Variants in KCNN2 observed in about 807,000 individuals in gnomAD.
KCNN2 encodes the protein small conductance calcium-activated potassium channel protein 2.
KCNN2 carries 24 observed loss-of-function variants against 55.5 expected under a neutral mutation model. That is an observed-to-expected ratio of 0.43 (90% CI 0.31 to 0.61). The LOEUF (loss-of-function observed/expected upper bound fraction) is 0.61, where lower values mean the gene tolerates loss of function less well. Among genes scored for constraint, KCNN2 ranks in the 20% least tolerant of loss-of-function variants. KCNN2 has a pLI of 0.08. For synonymous variants in KCNN2, 431 were observed against 336.1 expected (o/e 1.28, Z -3.09); for missense variants, 754 against 853.6 (o/e 0.88, Z 1.45).
chr5:114,080,058 A>G (rs1330870832), intron 1 of KCNN2, among the ~76,000 whole-genome samples: 1 of 152,070 alleles, frequency 6.6e-6, no homozygotes, highest in Non-Finnish European at 1.5e-5. Flanking sequence ...ATTCACATAC[A>G]CTTGCTATTG....
At chr5:114,413,782 A>G (rs1759211070) in intron 3 of KCNN2, among the ~76,000 whole-genome samples, 3 of 152,188 alleles carry the variant, frequency 2.0e-5, no homozygotes, top group South Asian at 4.1e-4. Context: ...TAGCCAGTTC[A>G]TTATGGTCCT....
intron 5 of KCNN2, among the ~76,000 whole-genome samples, chr5:114,473,663 A>C (rs1761850148): frequency 1.3e-5 from 2 of 152,174 alleles, no homozygotes; most frequent in African/African-American, 2.4e-5. Context: ...GATGTTAAAA[A>C]TAGTATACCA....
At chr5:114,455,185 A>AATC (rs1760865248) in intron 3 of KCNN2, among the ~76,000 whole-genome samples, 3 of 152,302 alleles carry the variant, frequency 2.0e-5, no homozygotes, top group African/African-American at 7.2e-5. Flanking sequence ...TTACAAACTG[A>AATC]AGGACTGTGT....
intron 1 of KCNN2, among the ~76,000 whole-genome samples, chr5:114,076,753 G>A (rs971363522): frequency 6.6e-6 from 1 of 152,174 alleles, no homozygotes; most frequent in African/African-American, 2.4e-5. Context: ...GAGTGCAGTG[G>A]TGCGATCTCG....
At chr5:114,106,914 A>G (rs1340153895) in intron 1 of KCNN2, among the ~76,000 whole-genome samples, 3 of 151,934 alleles carry the variant, frequency 2.0e-5, no homozygotes, top group Non-Finnish European at 4.4e-5. Context: ...TTTATGCTTG[A>G]TGCTATTTCT....
intron 2 of KCNN2, among the ~76,000 whole-genome samples, chr5:114,377,121 T>G (rs1259096970): frequency 6.6e-6 from 1 of 152,180 alleles, no homozygotes; most frequent in Non-Finnish European, 1.5e-5. Context: ...TGACTTTATT[T>G]TAAATTTGCC....
rs1003897934 is a variant in KCNN2, at chr5:114,494,050, A to G, written c.2088+578A>G. On this transcript the variant is annotated intron_variant, in intron 7 of 7. Coordinates refer to ENST00000673685, the MANE Select transcript of KCNN2 (RefSeq NM_021614.4). ...ACATTAACAGTCTCCAAATTATTCTACCTTATTTATAATATTTATCTGATC... is the reference window on the plus strand; with the variant it reads ...ACATTAACAGTCTCCAAATTATTCTGCCTTATTTATAATATTTATCTGATC... 2.6e-5 allele frequency among the ~76,000 whole-genome samples: 4 copies of G among 152,076 alleles called. 1 individual carries two copies. Among genetic ancestry groups the G allele is most frequent in the Non-Finnish European group, 5.9e-5 (4 of 67,982 alleles).
chr5:114,376,500 A>G (rs577299855), intron 2 of KCNN2, among the ~76,000 whole-genome samples: 1 of 152,320 alleles, frequency 6.6e-6, no homozygotes, highest in Admixed American at 6.5e-5. Flanking sequence ...ATGGGAACAC[A>G]ATTCAGCAAA....
chr5:114,209,493 G>A (rs527536441), intron 1 of KCNN2, among the ~76,000 whole-genome samples: 2 of 152,076 alleles, frequency 1.3e-5, no homozygotes, highest in Admixed American at 6.5e-5. Flanking sequence ...CAAAAAGTTG[G>A]CACCTGATTT....
intron 2 of KCNN2, among the ~76,000 whole-genome samples, chr5:114,374,616 T>G (rs753342552): frequency 6.6e-6 from 1 of 152,188 alleles, no homozygotes; most frequent in Non-Finnish European, 1.5e-5. Context: ...ATCAGGGAGC[T>G]TGTATCTTTT....
chr5:114,295,551 A>C (rs957850574), intron 2 of KCNN2, among the ~76,000 whole-genome samples: 1 of 152,092 alleles, frequency 6.6e-6, no homozygotes, highest in East Asian at 1.9e-4. Flanking sequence ...AGCCTATTGG[A>C]AAAGCGCAGT....
intron 3 of KCNN2, among the ~76,000 whole-genome samples, chr5:114,455,473 A>G (rs955418200): frequency 4.6e-5 from 7 of 152,176 alleles, no homozygotes; most frequent in African/African-American, 1.4e-4. Context: ...TCTCACTTTT[A>G]TCTGGCTTTC....
intron 1 of KCNN2, among the ~76,000 whole-genome samples, chr5:114,140,067 A>G (rs954829594): frequency 6.6e-6 from 1 of 152,250 alleles, no homozygotes; most frequent in East Asian, 1.9e-4. Context: ...TTTTATATAA[A>G]TATGTAAGTT....
chr5:114,350,266 C>T (rs1001325983), intron 2 of KCNN2, among the ~76,000 whole-genome samples: 1 of 151,836 alleles, frequency 6.6e-6, no homozygotes, highest in Non-Finnish European at 1.5e-5. Context: ...TGATAACATT[C>T]AAAATCTTAC....
intron 2 of KCNN2, among the ~76,000 whole-genome samples, chr5:114,386,722 T>A (rs1225423654): frequency 6.6e-6 from 1 of 152,174 alleles, no homozygotes; most frequent in Admixed American, 6.5e-5. Context: ...TATGGAGGAA[T>A]ATAAGGAGGG....
chr5:114,464,500 T>C (rs1761350209), intron 4 of KCNN2, among the ~76,000 whole-genome samples: 1 of 152,150 alleles, frequency 6.6e-6, no homozygotes, highest in African/African-American at 2.4e-5. Flanking sequence ...TGAGGGCCTC[T>C]GAGTGGTGGC....
At chr5:114,297,275 A>T (rs965864720) in intron 2 of KCNN2, among the ~76,000 whole-genome samples, 1 of 152,084 alleles carries the variant, frequency 6.6e-6, no homozygotes. Context: ...CTGTGATTGC[A>T]CCACTGCACT....
At chr5:114,057,760 C>T (rs1750242286) in intron 1 of KCNN2, among the ~76,000 whole-genome samples, 1 of 152,022 alleles carries the variant, frequency 6.6e-6, no homozygotes, top group African/African-American at 2.4e-5. Flanking sequence ...CCCTGAAGAA[C>T]TGAGAAGAAA....
intron 2 of KCNN2, among the ~76,000 whole-genome samples, chr5:114,390,926 A>T (rs989255726): frequency 1.3e-5 from 2 of 152,060 alleles, no homozygotes; most frequent in African/African-American, 4.8e-5. Flanking sequence ...GGTAAGAAAC[A>T]TGTGAAAGGG....
Sources: gnomAD v4.1 joint callset for allele counts (sites outside exome capture counted in the v4.1 genomes callset) on GRCh38, gnomAD v4.1.1 for gene constraint, MANE v1.5 for transcripts, NCBI Gene and HGNC (gene_info 2026-07-23, HGNC 2026-07-21) for gene names.